Variants in OPCML observed in about 807,000 individuals in gnomAD.
OPCML encodes the protein opioid binding protein/cell adhesion molecule like.
In OPCML, 13 loss-of-function variants were observed where a neutral mutation model predicts 37.8. The ratio of observed to expected loss-of-function variants is 0.34; its 90% confidence interval spans 0.22 to 0.55. OPCML has a LOEUF of 0.55. Ranked by LOEUF, OPCML falls within the 20% of genes least tolerant of loss-of-function variation. OPCML has a pLI of 0.91. For missense variants in OPCML, 341 were observed against 435.6 expected, an observed-to-expected ratio of 0.78 and a Z score of 1.93; for synonymous variants, 176 against 168.8, an observed-to-expected ratio of 1.04 and a Z score of -0.33.
At chr11:132,985,150 T>G in intron 1 of OPCML, among the ~76,000 whole-genome samples, 1 of 152,224 alleles carries the variant, frequency 6.6e-6, no homozygotes, top group East Asian at 1.9e-4. Flanking sequence ...CAATTCTTAT[T>G]GTTATATAAC....
intron 2 of OPCML, among the ~76,000 whole-genome samples, chr11:132,741,625 T>G (rs2136039801): frequency 6.6e-6 from 1 of 152,348 alleles, no homozygotes; most frequent in South Asian, 2.1e-4. Flanking sequence ...ACTTAAGTCC[T>G]TATAATATTA....
At chr11:132,860,124 G>T (rs1167621875) in intron 2 of OPCML, 2 of 152,234 alleles carry the variant, frequency 1.3e-5, no homozygotes, top group Non-Finnish European at 2.9e-5. Flanking sequence ...TGTATGCAAA[G>T]CAGCTTATGA....
intron 1 of OPCML, among the ~76,000 whole-genome samples, chr11:133,041,592 G>A (rs780784029): frequency 7.9e-5 from 12 of 152,146 alleles, no homozygotes; most frequent in South Asian, 2.1e-4. Context: ...CAACTGCGTC[G>A]CATATACCCT....
At chr11:133,147,381 G>A (rs1247533469) in intron 1 of OPCML, among the ~76,000 whole-genome samples, 1 of 152,084 alleles carries the variant, frequency 6.6e-6, no homozygotes, top group Non-Finnish European at 1.5e-5. Flanking sequence ...GAGAAAGCTA[G>A]GCCCAGCGTG....
chr11:133,491,918 C>A (rs1226315296), intron 1 of OPCML, among the ~76,000 whole-genome samples: 1 of 152,148 alleles, frequency 6.6e-6, no homozygotes, highest in East Asian at 1.9e-4. Flanking sequence ...ACTCACGAGG[C>A]CTTTCTATCC....
intron 3 of OPCML, among the ~76,000 whole-genome samples, chr11:132,634,429 T>G (rs1940352002): frequency 6.6e-6 from 1 of 152,184 alleles, no homozygotes; most frequent in Non-Finnish European, 1.5e-5. Flanking sequence ...AATATACTTT[T>G]GAGTTCTCAT....
chr11:132,508,285 A>G (rs1056925889), intron 4 of OPCML, among the ~76,000 whole-genome samples: 2 of 152,244 alleles, frequency 1.3e-5, no homozygotes, highest in Non-Finnish European at 2.9e-5. Context: ...AATTGCCCTC[A>G]TGAACAAAAC....
intron 1 of OPCML, chr11:133,004,800 T>G: frequency 1.0e-6 from 1 of 985,390 alleles, no homozygotes; most frequent in Non-Finnish European, 1.2e-6. Context: ...TCCACCACAC[T>G]CCGTCTAACC....
intron 3 of OPCML, among the ~76,000 whole-genome samples, chr11:132,530,422 C>A (rs144137455): frequency 4.1e-4 from 63 of 152,218 alleles, no homozygotes; most frequent in Non-Finnish European, 7.6e-4. Context: ...TAGCCTCCCA[C>A]CGTGAACCTT....
intron 1 of OPCML, among the ~76,000 whole-genome samples, chr11:133,228,302 G>T (rs1461243565): frequency 2.6e-5 from 4 of 152,160 alleles, no homozygotes; most frequent in Non-Finnish European, 5.9e-5. Flanking sequence ...TCACACCCCG[G>T]TTTTACAGAC....
At chr11:133,207,026 G>A (rs1241101476) in intron 1 of OPCML, among the ~76,000 whole-genome samples, 3 of 150,890 alleles carry the variant, frequency 2.0e-5, no homozygotes, top group Non-Finnish European at 4.4e-5. Context: ...GGTGGCTCAC[G>A]CCTGTAATCC....
At chr11:132,482,310 G>A (rs2096183481) in intron 4 of OPCML, among the ~76,000 whole-genome samples, 1 of 152,038 alleles carries the variant, frequency 6.6e-6, no homozygotes, top group Non-Finnish European at 1.5e-5. Flanking sequence ...AAATAAACTA[G>A]AAAATCTAGA....
intron 2 of OPCML, among the ~76,000 whole-genome samples, chr11:132,933,026 C>G (rs1257187181): frequency 3.9e-5 from 6 of 152,110 alleles, no homozygotes; most frequent in African/African-American, 1.4e-4. Flanking sequence ...TTACATTTCA[C>G]TAAGCACCCA....
At chr11:133,368,257 A>C in intron 1 of OPCML, among the ~76,000 whole-genome samples, 1 of 140,652 alleles carries the variant, frequency 7.1e-6, no homozygotes, top group South Asian at 2.4e-4. Flanking sequence ...GGGGGGGGGA[A>C]GGAGAAGAAC....
chr11:133,511,969 T>A (rs903330406), intron 1 of OPCML, among the ~76,000 whole-genome samples: 1 of 152,206 alleles, frequency 6.6e-6, no homozygotes, highest in African/African-American at 2.4e-5. Flanking sequence ...CAAAAGAATC[T>A]CTTTTTCCTA....
At position 132,529,120 on chromosome 11, in the gene OPCML, A is replaced by G; in HGVS notation, c.446T>C (p.Leu149Pro). The change falls in exon 4 of 8, where the codon CTG becomes CCG. Residue 149 changes from leucine to proline, a missense_variant. Physicochemically the swap from Leu to Pro is moderately conservative, Grantham distance 98 (BLOSUM62 -3). Coordinates refer to ENST00000524381, the MANE Select transcript of OPCML (RefSeq NM_001012393.5). ...TVNEGSSVTLLCLAIGRPEPT... is the reference protein window; with the variant it reads ...TVNEGSSVTLPCLAIGRPEPT... ...CTCTGGTCTGCCAATAGCAAGACACAGCAGGGTCACACTGCTTCCCTCATT... is the reference window on the plus strand; with the variant it reads ...CTCTGGTCTGCCAATAGCAAGACACGGCAGGGTCACACTGCTTCCCTCATT... 1 of 1,613,570 alleles carries G rather than the reference A, an allele frequency of 6.2e-7. No individual in the cohort carries two copies. The highest frequency in any genetic ancestry group is 1.7e-5 in the Admixed American group (1 of 59,980).
intron 2 of OPCML, among the ~76,000 whole-genome samples, chr11:132,879,726 A>G (rs965061489): frequency 4.6e-5 from 7 of 152,256 alleles, no homozygotes; most frequent in Admixed American, 3.3e-4. Flanking sequence ...ATAATGAATT[A>G]TCTATAAGAC....
chr11:133,439,334 T>C, intron 1 of OPCML: 1 of 981,982 alleles, frequency 1.0e-6, no homozygotes, highest in Non-Finnish European at 1.2e-6. Context: ...CAAAGAAAAA[T>C]AAAAACAAAC....
At chr11:132,517,703 C>A (rs935921898) in intron 4 of OPCML, among the ~76,000 whole-genome samples, 3 of 152,176 alleles carry the variant, frequency 2.0e-5, no homozygotes, top group African/African-American at 4.8e-5. Context: ...CAGCAGGCAG[C>A]AATGGGTGCC....
Sources: gnomAD v4.1 joint callset for allele counts (sites outside exome capture counted in the v4.1 genomes callset) on GRCh38, gnomAD v4.1.1 for gene constraint, MANE v1.5 for transcripts, NCBI Gene and HGNC (gene_info 2026-07-23, HGNC 2026-07-21) for gene names.